IGSF21: variants seen among roughly 807,000 people sequenced by gnomAD.
IGSF21 encodes immunoglobulin superfamily member 21.
Under a neutral mutation model 46.8 loss-of-function variants are expected in IGSF21, and 28 were observed. The observed-to-expected ratio is 0.60, with a 90% CI of 0.44 to 0.82. The LOEUF is 0.82. Ranked by LOEUF, IGSF21 falls within the 40% of genes least tolerant of loss-of-function variation. IGSF21 has a pLI of 0.00. For synonymous variants in IGSF21, 284 were observed against 273.6 expected, an observed-to-expected ratio of 1.04 and a Z score of -0.38; for missense variants, 624 against 665.5, an observed-to-expected ratio of 0.94 and a Z score of 0.69.
rs372086381 is a variant in IGSF21, at chr1:18,375,143, G to C, written c.1016-1167G>C. 9.2e-5 allele frequency among the ~76,000 whole-genome samples: 14 copies of C among 152,308 alleles called. No homozygotes were observed. In the East Asian group the frequency reaches 2.1e-3, roughly 23 times the overall value. ...CTCCCTTGGTCTAGTGATCTGCATGGAGCACTGTCACTCTCATCCTGTTTT... is the reference window on the plus strand; with the variant it reads ...CTCCCTTGGTCTAGTGATCTGCATGCAGCACTGTCACTCTCATCCTGTTTT... On this transcript the variant is annotated intron_variant, in intron 6 of 9. Coordinates refer to ENST00000251296, the MANE Select transcript of IGSF21 (RefSeq NM_032880.5).
At chr1:18,305,459 C>G (rs2085412301) in intron 3 of IGSF21, among the ~76,000 whole-genome samples, 1 of 123,168 alleles carries the variant, frequency 8.1e-6, no homozygotes, top group Non-Finnish European at 1.7e-5. Context: ...TGCATGCATG[C>G]ATGGATGACA....
intron 3 of IGSF21, 120 bp downstream of exon 3, chr1:18,292,107 C>T: frequency 9.3e-7 from 1 of 1,072,830 alleles, no homozygotes; most frequent in East Asian, 2.4e-5. Context: ...GCTTGGAAGG[C>T]AGAACTGGGG....
chr1:18,202,679 C>T (rs917361078), intron 1 of IGSF21, among the ~76,000 whole-genome samples: 2 of 152,100 alleles, frequency 1.3e-5, no homozygotes, highest in African/African-American at 4.8e-5. Flanking sequence ...ATGGGGGAAA[C>T]CGGCCCCATA....
intron 1 of IGSF21, among the ~76,000 whole-genome samples, chr1:18,162,595 G>T (rs2086637831): frequency 6.6e-6 from 1 of 152,144 alleles, no homozygotes; most frequent in Non-Finnish European, 1.5e-5. Flanking sequence ...CACGTTTCAG[G>T]TCAGCTAGGC....
intron 1 of IGSF21, among the ~76,000 whole-genome samples, chr1:18,139,236 C>T (rs72655118): frequency 0.21 from 32,665 of 152,190 alleles, 4,356 homozygotes; most frequent in East Asian, 0.52. Context: ...CTCTTCCCTT[C>T]CCACTGGGAG....
chr1:18,341,302 A>G (rs1320071623), intron 4 of IGSF21, among the ~76,000 whole-genome samples: 1 of 151,386 alleles, frequency 6.6e-6, no homozygotes, highest in Non-Finnish European at 1.5e-5. Context: ...TTGAATTAGG[A>G]CTCACCCTAA....
At chr1:18,184,251 T>C (rs988735476) in intron 1 of IGSF21, among the ~76,000 whole-genome samples, 1 of 152,184 alleles carries the variant, frequency 6.6e-6, no homozygotes, top group Non-Finnish European at 1.5e-5. Flanking sequence ...ATTTCAAAGA[T>C]GATGAGAGAT....
At chr1:18,118,642 C>T (rs1436651236) in intron 1 of IGSF21, among the ~76,000 whole-genome samples, 4 of 152,160 alleles carry the variant, frequency 2.6e-5, no homozygotes, top group Non-Finnish European at 1.5e-5. Context: ...TCTTTGTTTC[C>T]GTCTGCAGCA....
intron 2 of IGSF21, among the ~76,000 whole-genome samples, chr1:18,251,206 C>A (rs1468341103): frequency 6.6e-6 from 1 of 152,060 alleles, no homozygotes; most frequent in Non-Finnish European, 1.5e-5. Flanking sequence ...TTATTCTTAG[C>A]ATAATAGGAC....
intron 1 of IGSF21, among the ~76,000 whole-genome samples, chr1:18,200,162 C>T (rs559236326): frequency 3.1e-4 from 47 of 152,304 alleles, no homozygotes; most frequent in African/African-American, 1.0e-3. Context: ...GCATGATGGT[C>T]ACTTCCATTC....
intron 1 of IGSF21, among the ~76,000 whole-genome samples, chr1:18,148,574 G>T (rs1417667704): frequency 6.6e-6 from 1 of 152,166 alleles, no homozygotes; most frequent in East Asian, 1.9e-4. Flanking sequence ...TCAGCGTCTA[G>T]ACTCTGGACC....
chr1:18,359,699 A>G (rs1029700703), intron 4 of IGSF21, among the ~76,000 whole-genome samples: 6 of 152,202 alleles, frequency 3.9e-5, no homozygotes, highest in African/African-American at 1.2e-4. Flanking sequence ...TTTTATGCTA[A>G]GCTCTAACTG....
chr1:18,362,035 G>A (rs543233257), intron 4 of IGSF21, 80 bp from the exon 5 acceptor site: 51 of 966,848 alleles, frequency 5.3e-5, no homozygotes, highest in Middle Eastern at 4.2e-4. Context: ...GCATGGACGT[G>A]GCCCATCTTA....
chr1:18,175,196 C>T (rs1490164007), intron 1 of IGSF21, among the ~76,000 whole-genome samples: 1 of 152,214 alleles, frequency 6.6e-6, no homozygotes, highest in Non-Finnish European at 1.5e-5. Flanking sequence ...CTGTCTCTGC[C>T]TCTGTCACAG....
chr1:18,276,482 G>A (rs929342814), intron 2 of IGSF21, among the ~76,000 whole-genome samples: 2 of 152,130 alleles, frequency 1.3e-5, no homozygotes, highest in African/African-American at 4.8e-5. Context: ...ATTGGCACAC[G>A]TCTGCCACGT....
At chr1:18,233,693 G>A (rs1015172212) in intron 2 of IGSF21, among the ~76,000 whole-genome samples, 6 of 152,114 alleles carry the variant, frequency 3.9e-5, no homozygotes, top group Non-Finnish European at 8.8e-5. Flanking sequence ...AAGAGGGGAA[G>A]GTATTTGGGG....
chr1:18,307,197 G>T (rs2085435244), intron 3 of IGSF21, among the ~76,000 whole-genome samples: 1 of 151,316 alleles, frequency 6.6e-6, no homozygotes, highest in African/African-American at 2.4e-5. Flanking sequence ...TGAGTATTTT[G>T]TGGGGACCAT....
At chr1:18,143,655 C>T (rs949569032) in intron 1 of IGSF21, among the ~76,000 whole-genome samples, 4 of 152,126 alleles carry the variant, frequency 2.6e-5, no homozygotes, top group African/African-American at 9.7e-5. Flanking sequence ...AATCACCTTC[C>T]CAGGGAGGCT....
chr1:18,358,778 A>T (rs892978372), intron 4 of IGSF21, among the ~76,000 whole-genome samples: 10 of 152,244 alleles, frequency 6.6e-5, no homozygotes, highest in Admixed American at 2.6e-4. Context: ...AGAGAGGTTA[A>T]GTAACTTGCC....
Sources: gnomAD v4.1 joint callset for allele counts (sites outside exome capture counted in the v4.1 genomes callset) on GRCh38, gnomAD v4.1.1 for gene constraint, MANE v1.5 for transcripts, NCBI Gene and HGNC (gene_info 2026-07-23, HGNC 2026-07-21) for gene names.